Variants in STK32B observed in about 807,000 individuals in gnomAD.
The protein encoded by STK32B is serine/threonine kinase 32B.
Under a neutral mutation model 52.6 loss-of-function variants are expected in STK32B, and 43 were observed. That is an observed-to-expected ratio of 0.82 (90% CI 0.64 to 1.05). The LOEUF is 1.05. Ranked by LOEUF, STK32B falls within the 50% of genes least tolerant of loss-of-function variation. The probability of loss-of-function intolerance (pLI) is 0.00; values close to 1 mark genes in which losing one functional copy is unlikely to be tolerated. For missense variants in STK32B, 621 were observed against 534.6 expected (o/e 1.16, Z -1.59); for synonymous variants, 238 against 204.3 (o/e 1.17, Z -1.41).
chr4:5,320,274 G>T (rs1731401800), intron 3 of STK32B, among the ~76,000 whole-genome samples: 1 of 152,114 alleles, frequency 6.6e-6, no homozygotes, highest in South Asian at 2.1e-4. Context: ...CATAGTAGGT[G>T]TTCAACAAAC....
At chr4:5,280,584 T>C (rs1000585836) in intron 3 of STK32B, among the ~76,000 whole-genome samples, 1 of 152,178 alleles carries the variant, frequency 6.6e-6, no homozygotes, top group African/African-American at 2.4e-5. Flanking sequence ...TGTATTAGTC[T>C]ATTCTCGCAC....
chr4:5,182,473 G>GT lies in STK32B; in HGVS notation c.260+14029dup, dbSNP rs575252205. Among the ~76,000 whole-genome samples, 467 of 148,084 alleles carry GT rather than the reference G, an allele frequency of 3.2e-3. 1 individual carries two copies. Among genetic ancestry groups the GT allele is most frequent in the Middle Eastern group, 6.8e-3 (2 of 292 alleles). ...TGTCCTTTTTTTTTCCTTTTTTTTT[G>GT]TTTTTTGAGACAGAGTCTCGCACTG... On this transcript the variant is annotated intron_variant, in intron 3 of 11. Coordinates refer to ENST00000282908, the MANE Select transcript of STK32B (RefSeq NM_018401.3).
rs1315454354 is a variant in STK32B at position 5,396,311 on chromosome 4, CCTT to C, written c.435-1890_435-1888del. On this transcript the variant is annotated intron_variant, in intron 4 of 11. Coordinates refer to ENST00000282908, the MANE Select transcript of STK32B (RefSeq NM_018401.3). This position sits in a 1 kb window ranked among gnomAD's most constrained non-coding sequence, Gnocchi z 4.7. ...AGTATCTGCTTCCATCTCCCCATGG[CCTT>C]CTTCTCTCCTGTGCCTGCATCCAAA... 1.3e-5 allele frequency among the ~76,000 whole-genome samples: 2 copies of C among 152,132 alleles called. No homozygotes were observed. The highest frequency in any genetic ancestry group is 2.4e-5 in the African/African-American group (1 of 41,436).
chr4:5,126,402 G>C (rs1715366615), intron 1 of STK32B, among the ~76,000 whole-genome samples: 1 of 152,152 alleles, frequency 6.6e-6, no homozygotes, highest in Admixed American at 6.5e-5. Context: ...GGCCAGCCCT[G>C]CTGAGCGTGG....
chr4:5,149,238 T>C (rs1167211588), intron 2 of STK32B, among the ~76,000 whole-genome samples: 3 of 151,894 alleles, frequency 2.0e-5, no homozygotes, highest in Non-Finnish European at 4.4e-5. Flanking sequence ...ATATTTAACA[T>C]TAATTTCTTG....
chr4:5,258,114 C>G (rs1335711560), intron 3 of STK32B, among the ~76,000 whole-genome samples: 1 of 152,200 alleles, frequency 6.6e-6, no homozygotes, highest in Non-Finnish European at 1.5e-5. Flanking sequence ...ATAGGAAACA[C>G]TCAAAACAGC....
intron 5 of STK32B, among the ~76,000 whole-genome samples, chr4:5,407,299 C>T (rs1737745038): frequency 6.6e-6 from 1 of 152,138 alleles, no homozygotes; most frequent in South Asian, 2.1e-4. Flanking sequence ...ATTTTGGTCA[C>T]AATTTAACAA....
At chr4:5,266,853 G>A (rs1011068348) in intron 3 of STK32B, among the ~76,000 whole-genome samples, 1 of 152,110 alleles carries the variant, frequency 6.6e-6, no homozygotes, top group African/African-American at 2.4e-5. Flanking sequence ...GTAGGGAAAT[G>A]CCTGGTCAAC....
intron 4 of STK32B, among the ~76,000 whole-genome samples, chr4:5,353,957 C>T (rs1364627611): frequency 6.6e-6 from 1 of 152,158 alleles, no homozygotes; most frequent in Non-Finnish European, 1.5e-5. Context: ...ACACTATTCA[C>T]AATTGCGAAG....
intron 3 of STK32B, among the ~76,000 whole-genome samples, chr4:5,253,237 G>C (rs1246736351): frequency 1.3e-5 from 2 of 152,032 alleles, no homozygotes; most frequent in African/African-American, 4.8e-5. Flanking sequence ...CTTCAACTCT[G>C]CTTGAAGAAA....
intron 2 of STK32B, among the ~76,000 whole-genome samples, chr4:5,157,507 G>A (rs1037555370): frequency 6.6e-6 from 1 of 152,206 alleles, no homozygotes; most frequent in Non-Finnish European, 1.5e-5. Flanking sequence ...TCTCCGAGAG[G>A]AGAAATTTGA....
At chr4:5,430,079 T>C (rs1368978699) in intron 6 of STK32B, among the ~76,000 whole-genome samples, 1 of 152,162 alleles carries the variant, frequency 6.6e-6, no homozygotes, top group African/African-American at 2.4e-5. Context: ...TGATATTTAC[T>C]CTGGTTGGTG....
At chr4:5,089,666 G>T (rs1712943526) in intron 1 of STK32B, among the ~76,000 whole-genome samples, 1 of 152,100 alleles carries the variant, frequency 6.6e-6, no homozygotes, top group Non-Finnish European at 1.5e-5. Flanking sequence ...ATAAACCTAG[G>T]TGTGCATGTG....
chr4:5,237,662 T>C (rs1278312604), intron 3 of STK32B, among the ~76,000 whole-genome samples: 10 of 152,194 alleles, frequency 6.6e-5, no homozygotes. Context: ...GAATGGATCA[T>C]TGCAAGGTGG....
chr4:5,372,630 A>G (rs919851781), intron 4 of STK32B, among the ~76,000 whole-genome samples: 1 of 151,742 alleles, frequency 6.6e-6, no homozygotes, highest in African/African-American at 2.4e-5. Flanking sequence ...GGGTCAGTGG[A>G]CTATTTAATA....
chr4:5,089,997 G>T (rs2108782512), intron 1 of STK32B, among the ~76,000 whole-genome samples: 1 of 152,256 alleles, frequency 6.6e-6, no homozygotes, highest in Admixed American at 6.5e-5. Context: ...ATGTTTGGTG[G>T]CTGCGTAAAT....
rs1722429310 is a variant in STK32B, at chr4:5,204,650, A to G, written c.260+36200A>G. ...ACACCTGGCTAATTTTTGTATTTTT[A>G]GTAGAAATGGGGTTTCACCATATTG... On this transcript the variant is annotated intron_variant, in intron 3 of 11. Transcript: ENST00000282908. 2.0e-5 allele frequency among the ~76,000 whole-genome samples: 3 copies of G among 152,004 alleles called. No homozygotes were observed. In the Middle Eastern group the frequency reaches 0.01, roughly 517 times the overall value.
At chr4:5,137,580 A>C (rs114485155) in intron 1 of STK32B, among the ~76,000 whole-genome samples, 1,721 of 152,228 alleles carry the variant, frequency 0.011, 36 homozygotes, top group African/African-American at 0.039. Context: ...TGAGCTCTTT[A>C]TGGAATGTAG....
intron 1 of STK32B, among the ~76,000 whole-genome samples, chr4:5,102,852 CCCCTCCCTCCCTCCCTCCCT>C (rs751721472): frequency 1.7e-5 from 1 of 58,468 alleles, no homozygotes; most frequent in African/African-American, 5.9e-5. Context: ...CTCTCTCCTC[CCCCTCCCTCCCTCCCTCCCT>C]CCCTCCCTTC....
Sources: allele counts gnomAD v4.1 joint callset (sites outside exome capture counted in the v4.1 genomes callset), GRCh38; gene constraint gnomAD v4.1.1; non-coding constraint Gnocchi (gnomAD v3.1); transcripts MANE v1.5; gene names NCBI Gene and HGNC (gene_info 2026-07-23, HGNC 2026-07-21).